Variants in NUCB1 observed in about 807,000 individuals in gnomAD.
NUCB1 encodes nucleobindin-1.
NUCB1 carries 47 observed loss-of-function variants against 61.2 expected under a neutral mutation model. The observed-to-expected ratio is 0.77, with a 90% CI of 0.61 to 0.98. The LOEUF is 0.98. NUCB1 is among the 50% of genes least tolerant of loss of function. The probability of loss-of-function intolerance (pLI) is 0.00; values close to 1 mark genes in which losing one functional copy is unlikely to be tolerated. For synonymous variants in NUCB1, 234 were observed against 243.1 expected, an observed-to-expected ratio of 0.96 and a Z score of 0.35; for missense variants, 583 against 605.3, an observed-to-expected ratio of 0.96 and a Z score of 0.39.
intron 8 of NUCB1, 122 bp downstream of exon 8, chr19:48,918,906 C>G: frequency 7.6e-7 from 1 of 1,320,734 alleles, no homozygotes; most frequent in Non-Finnish European, 1.1e-6. Context: ...TCCCATCAGC[C>G]CCTGGGGCAA....
intron 2 of NUCB1, among the ~76,000 whole-genome samples, chr19:48,902,573 AT>A (rs74182020): frequency 6.6e-6 from 1 of 150,584 alleles, no homozygotes; most frequent in South Asian, 2.1e-4. Flanking sequence ...TGCCTAGCTA[AT>A]TTTTTTTGTA....
chr19:48,908,186 A>T (rs1003394074), intron 4 of NUCB1, among the ~76,000 whole-genome samples: 3 of 152,114 alleles, frequency 2.0e-5, no homozygotes, highest in Admixed American at 2.0e-4. Flanking sequence ...GCTGGAGTGC[A>T]GTGGCGCGAT....
At chr19:48,910,843 C>T (rs2037463566) in intron 4 of NUCB1, 1 of 242,498 alleles carries the variant, frequency 4.1e-6, no homozygotes, top group African/African-American at 2.3e-5. Context: ...TGGGGATAAT[C>T]ATAAAACCCT....
At chr19:48,903,383 T>A (rs1286979490) in intron 2 of NUCB1, among the ~76,000 whole-genome samples, 1 of 134,378 alleles carries the variant, frequency 7.4e-6, no homozygotes, top group Non-Finnish European at 1.5e-5. Flanking sequence ...GGTGGGTAGA[T>A]GGATGGGCAG....
intron 7 of NUCB1, chr19:48,918,429 G>A: frequency 2.9e-6 from 1 of 348,804 alleles, no homozygotes; most frequent in South Asian, 3.6e-5. Context: ...AGCTGACTCT[G>A]TGTCCAGAGC....
chr19:48,913,217 C>G (rs376460056), intron 6 of NUCB1, 21 bp downstream of exon 6: 3 of 1,594,804 alleles, frequency 1.9e-6, no homozygotes, highest in South Asian at 1.1e-5. Context: ...CATTTGTGCC[C>G]ATCCACTCCC....
intron 4 of NUCB1, among the ~76,000 whole-genome samples, chr19:48,907,043 C>T (rs1029029994): frequency 3.3e-5 from 5 of 150,930 alleles, no homozygotes; most frequent in Admixed American, 6.6e-5. Context: ...GGTGCAATCT[C>T]GGCTCACTGC....
intron 3 of NUCB1, among the ~76,000 whole-genome samples, chr19:48,905,024 T>G (rs1034295636): frequency 2.0e-5 from 3 of 152,222 alleles, no homozygotes; most frequent in Admixed American, 6.5e-5. Flanking sequence ...GGGCCTCCCC[T>G]CACCGTGCCT....
intron 4 of NUCB1, among the ~76,000 whole-genome samples, chr19:48,907,227 C>A (rs2037422295): frequency 6.6e-6 from 1 of 151,464 alleles, no homozygotes; most frequent in South Asian, 2.1e-4. Context: ...CCCACCTCGG[C>A]CTCCCAAAGT....
In NUCB1 at chr19:48,921,815, C is replaced by T. The variant is rs748328441; in HGVS notation, c.1174-12C>T. On this transcript the variant is annotated splice_polypyrimidine_tract_variant and intron_variant, in intron 11 of 12. Coordinates refer to ENST00000405315, the MANE Select transcript of NUCB1 (RefSeq NM_006184.6). ...ACACCCTCTTGTCTGTGTGACCCCCCACCTCCCACAGGCTGTGCTGCACAT... is the reference window on the plus strand; with the variant it reads ...ACACCCTCTTGTCTGTGTGACCCCCTACCTCCCACAGGCTGTGCTGCACAT... 11 of 1,609,654 alleles carry T rather than the reference C, an allele frequency of 6.8e-6. No individual in the cohort carries two copies. The highest frequency in any genetic ancestry group is 2.2e-5 in the East Asian group (1 of 44,876).
At position 48,911,082 on chromosome 19, in the gene NUCB1, G is replaced by C. The variant is rs2037466238; in HGVS notation, c.377-67G>C. 3 of 1,188,692 alleles carry C rather than the reference G, an allele frequency of 2.5e-6. No homozygotes were observed. In the African/African-American group the frequency reaches 4.5e-5, roughly 18 times the overall value. 73.6% of individuals were successfully genotyped at this position (1,188,692 alleles called of 1,614,324 possible). A position where few individuals can be genotyped will look rare whatever the true frequency, so the allele number is the denominator to read the frequency against. ...GCTGTCCGTGACTTCTTTGGATCAT[G>C]TCTGGCCCAAGATGGGGGTTCTGAA... is the stretch of plus-strand genomic sequence containing the variant. On this transcript the variant is annotated intron_variant, in intron 4 of 12. Transcript: ENST00000405315.
rs1179844036 is a variant in NUCB1 at position 48,918,771 on chromosome 19, T to G, written c.803T>G (p.Leu268Arg). 6.2e-7 allele frequency: 1 copy of G among 1,614,020 alleles called. No homozygotes were observed. The highest frequency in any genetic ancestry group is 1.3e-5 in the African/African-American group (1 of 75,026). Residue 268 changes from leucine to arginine, a missense_variant, in exon 8 of 13, where the codon CTC becomes CGC. Coordinates refer to ENST00000405315, the MANE Select transcript of NUCB1 (RefSeq NM_006184.6). The part of the protein sequence containing the change: ...GVLDEQELEA[L>R]FTKELEKVYD... ...CTGGATGAGCAGGAGCTGGAGGCAC[T>G]CTTCACCAAGGAGGTGAGCATCTTG...
At chr19:48,909,008 A>G (rs1379354246) in intron 4 of NUCB1, among the ~76,000 whole-genome samples, 1 of 151,942 alleles carries the variant, frequency 6.6e-6, no homozygotes, top group Non-Finnish European at 1.5e-5. Flanking sequence ...ACCAAGTACC[A>G]CTGACCAGGT....
At chr19:48,901,468 G>A (rs1319130927) in intron 2 of NUCB1, among the ~76,000 whole-genome samples, 1 of 152,152 alleles carries the variant, frequency 6.6e-6, no homozygotes, top group African/African-American at 2.4e-5. Context: ...CTCCCCATAA[G>A]GATAGGCTGG....
chr19:48,918,865 C>A, intron 8 of NUCB1, 81 bp downstream of exon 8: 1 of 1,418,914 alleles, frequency 7.0e-7, no homozygotes, highest in Non-Finnish European at 9.9e-7. Context: ...CCTTAAATCC[C>A]CCTGGATGGG....
intron 4 of NUCB1, 58 bp from the exon 5 acceptor site, chr19:48,911,091 A>T: frequency 7.7e-7 from 1 of 1,297,350 alleles, no homozygotes; most frequent in Non-Finnish European, 1.1e-6. Context: ...TGTCTGGCCC[A>T]AGATGGGGGT....
At chr19:48,903,879 T>G (rs2037382703) in intron 2 of NUCB1, among the ~76,000 whole-genome samples, 1 of 93,346 alleles carries the variant, frequency 1.1e-5, no homozygotes, top group African/African-American at 6.4e-5. Context: ...GATGGATGGA[T>G]GGATGGGTGG....
chr19:48,901,040 G>A, intron 2 of NUCB1, 109 bp downstream of exon 2: 1 of 1,327,550 alleles, frequency 7.5e-7, no homozygotes. Context: ...TGGCCCTACA[G>A]TTGTAGCTTG....
At chr19:48,921,422 A>C in intron 11 of NUCB1, 98 bp downstream of exon 11, 1 of 1,349,758 alleles carries the variant, frequency 7.4e-7, no homozygotes, top group Non-Finnish European at 1.0e-6. Flanking sequence ...TGTGGCCACC[A>C]TGTTAATCAC....
Sources: allele counts gnomAD v4.1 joint callset (sites outside exome capture counted in the v4.1 genomes callset), GRCh38; gene constraint gnomAD v4.1.1; transcripts MANE v1.5; gene names NCBI Gene and HGNC (gene_info 2026-07-23, HGNC 2026-07-21).